PLEKHA2: variants seen among roughly 807,000 people sequenced by gnomAD.
PLEKHA2 encodes pleckstrin homology domain-containing family A member 2.
A neutral mutation model predicts 53.2 loss-of-function variants in PLEKHA2; 28 were observed. That is an observed-to-expected ratio of 0.53 (90% CI 0.39 to 0.72). The LOEUF is 0.72. Among genes scored for constraint, PLEKHA2 ranks in the 30% least tolerant of loss-of-function variants. PLEKHA2 has a pLI of 0.00. For missense variants in PLEKHA2, 426 were observed against 537.9 expected, an observed-to-expected ratio of 0.79 and a Z score of 2.06; for synonymous variants, 193 against 196.4, an observed-to-expected ratio of 0.98 and a Z score of 0.14.
Position 38,901,499 on chromosome 8 carries a change from GGGGGCTGGCGGGGCTGGGGGTGCA to G in PLEKHA2, c.-24+59_-24+82del, listed in dbSNP as rs1247910113. Reference sequence around the variant, plus strand: ...AGTGGAGAGGCGCAGAGGGGCGCGCGGGGGCTGGCGGGGCTGGGGGTGCAGGGGGCGCCCCGGCGGAGGCCTGGC... The same window carrying G: ...AGTGGAGAGGCGCAGAGGGGCGCGCGGGGGGCGCCCCGGCGGAGGCCTGGC... On this transcript the variant is annotated intron_variant, in intron 1 of 11. Transcript: ENST00000617275. The G allele has an allele frequency of 2.6e-5, 4 of 151,852 alleles. No individual in the cohort carries two copies. In the East Asian group the frequency reaches 7.8e-4, roughly 30 times the overall value. The allele number at this position is 151,852 out of a possible 1,614,324, so 9.4% of individuals were successfully genotyped here.
At chr8:38,909,073 G>A (rs10094682) in intron 1 of PLEKHA2, among the ~76,000 whole-genome samples, 50,895 of 151,682 alleles carry the variant, frequency 0.34, 8,746 homozygotes, top group Admixed American at 0.48. Context: ...AACCTGGGAG[G>A]CGGAGGTTGC....
chr8:38,937,406 C>T (rs548134345), intron 3 of PLEKHA2, among the ~76,000 whole-genome samples: 10 of 152,118 alleles, frequency 6.6e-5, no homozygotes, highest in Admixed American at 2.0e-4. Context: ...CCAGGAGGGT[C>T]GGAGATGGAG....
At position 38,969,675 on chromosome 8, in the gene PLEKHA2, G is replaced by C; in HGVS notation, c.1170G>C (p.Gly390=). The C allele has an allele frequency of 1.3e-6, 2 of 1,584,626 alleles. No individual in the cohort carries two copies. The highest frequency in any genetic ancestry group is 1.7e-6 in the Non-Finnish European group (2 of 1,165,652). The change falls in exon 12 of 12, where the codon GGG becomes GGC. Residue 390 remains glycine, a synonymous_variant. Transcript: ENST00000617275. ...TPRPGEGSAP[G]VLPSSRIRHR... ...GTCCTGGGGAGGGCAGCGCTCCTGGGGTGCTGCCCAGCTCCCGGATAAGGC... is the reference window on the plus strand; with the variant it reads ...GTCCTGGGGAGGGCAGCGCTCCTGGCGTGCTGCCCAGCTCCCGGATAAGGC...
At chr8:38,957,245 C>A in intron 9 of PLEKHA2, 78 bp from the exon 10 acceptor site, 1 of 1,142,296 alleles carries the variant, frequency 8.8e-7, no homozygotes, top group Non-Finnish European at 1.3e-6. Flanking sequence ...TGGTAGAGGG[C>A]ACTGGGGTCT....
intron 1 of PLEKHA2, among the ~76,000 whole-genome samples, chr8:38,908,620 T>C (rs749621050): frequency 6.6e-6 from 1 of 152,238 alleles, no homozygotes. Context: ...TCATAGCCCG[T>C]AGATAATAAC....
intron 2 of PLEKHA2, among the ~76,000 whole-genome samples, chr8:38,928,272 T>G (rs1588246852): frequency 7.9e-6 from 1 of 127,074 alleles, no homozygotes. Flanking sequence ...TGAGATGGAG[T>G]CTCACTCACT....
chr8:38,904,371 A>G (rs1280947088), intron 1 of PLEKHA2, among the ~76,000 whole-genome samples: 1 of 152,198 alleles, frequency 6.6e-6, no homozygotes, highest in Non-Finnish European at 1.5e-5. Context: ...CCTTTTGCCC[A>G]CAGTGCCTGG....
At position 38,971,441 on chromosome 8, in the gene PLEKHA2, T is replaced by G. The variant is rs988065182; in HGVS notation, c.*1658T>G. 1.3e-5 allele frequency: 2 copies of G among 152,432 alleles called. No individual in the cohort carries two copies. Among genetic ancestry groups the G allele is most frequent in the African/African-American group, 4.8e-5 (2 of 41,440 alleles). The allele number at this position is 152,432 out of a possible 1,614,324, so 9.4% of individuals were successfully genotyped here. Reference sequence around the variant, plus strand: ...ATGATTTCAAGAAGCCATTCCAAATTCTTATAGCTCCTTAGCTCTGGTTTT... The same window carrying G: ...ATGATTTCAAGAAGCCATTCCAAATGCTTATAGCTCCTTAGCTCTGGTTTT... On this transcript the variant is annotated 3_prime_UTR_variant, in exon 12 of 12. Transcript: ENST00000617275.
At position 38,946,162 on chromosome 8, in the gene PLEKHA2, A is replaced by C. The variant is rs1484484945; in HGVS notation, c.286A>C (p.Asn96His). The change falls in exon 5 of 12, where the codon AAT (asparagine) becomes CAT (histidine). Residue 96 changes from asparagine to histidine, a missense_variant. Coordinates refer to ENST00000617275, the MANE Select transcript of PLEKHA2 (RefSeq NM_021623.2). ...GTCTCAGAGATATTTCCTTCAAGCC[A>C]ATGATCAGAAAGATATGAAGGACTG... is the stretch of plus-strand genomic sequence containing the variant. The part of the protein sequence containing the change: ...ALSQRYFLQA[N>H]DQKDMKDWVE... 1 of 1,608,852 alleles carries C rather than the reference A, an allele frequency of 6.2e-7. No homozygotes were observed. Among genetic ancestry groups the C allele is most frequent in the African/African-American group, 1.3e-5 (1 of 74,918 alleles).
chr8:38,950,778 C>T, intron 5 of PLEKHA2, 72 bp from the exon 6 acceptor site: 3 of 1,543,404 alleles, frequency 1.9e-6, no homozygotes, highest in African/African-American at 1.4e-5. Flanking sequence ...ACGGCAGCCC[C>T]ATTCTGTTTT....
intron 4 of PLEKHA2, among the ~76,000 whole-genome samples, chr8:38,945,134 A>G (rs1293305266): frequency 6.6e-6 from 1 of 152,222 alleles, no homozygotes; most frequent in African/African-American, 2.4e-5. Flanking sequence ...ATCCATCATC[A>G]AATAGTTACT....
Position 38,912,365 on chromosome 8 carries a change from A to G in PLEKHA2, c.-23-5542A>G, listed in dbSNP as rs528067131. Among the ~76,000 whole-genome samples, 21 of 152,372 alleles carry G rather than the reference A, an allele frequency of 1.4e-4. No individual in the cohort carries two copies. In the South Asian group the frequency reaches 2.5e-3, roughly 18 times the overall value. On this transcript the variant is annotated intron_variant, in intron 1 of 11. Coordinates refer to ENST00000617275, the MANE Select transcript of PLEKHA2 (RefSeq NM_021623.2). ...TAACTGGCAGAGTGTTGTGAGAGTT[A>G]GAAAAGACATTTTGAAGCTTTGCCT...
Position 38,950,860 on chromosome 8 carries a change from G to A in PLEKHA2, c.356G>A (p.Gly119Asp). 2.5e-6 allele frequency: 4 copies of A among 1,613,590 alleles called. No homozygotes were observed. The highest frequency in any genetic ancestry group is 2.2e-5 in the East Asian group (1 of 44,856). Residue 119 changes from glycine to aspartate, a missense_variant, in exon 6 of 12, where the codon GGT becomes GAT. By Grantham distance (94) the Gly-to-Asp change is moderately conservative. Coordinates refer to ENST00000617275, the MANE Select transcript of PLEKHA2 (RefSeq NM_021623.2). ...TGCCGCTCACCCCAGGTTCCCAAAG[G>A]TGGGGGCCTACCCATGACCACTGAA... ...NQASKITVPK[G>D]GGLPMTTEVL...
intron 3 of PLEKHA2, among the ~76,000 whole-genome samples, chr8:38,938,319 C>T (rs1452743369): frequency 6.6e-6 from 1 of 152,202 alleles, no homozygotes; most frequent in South Asian, 2.1e-4. Flanking sequence ...CCATTGACCT[C>T]CTGAAGCTGG....
At chr8:38,939,658 C>T (rs1485181033) in intron 3 of PLEKHA2, among the ~76,000 whole-genome samples, 1 of 152,194 alleles carries the variant, frequency 6.6e-6, no homozygotes, top group Non-Finnish European at 1.5e-5. Flanking sequence ...CATTTGTTAT[C>T]CAAACAGAAT....
rs753483339 is a variant in PLEKHA2 at position 38,952,306 on chromosome 8, G to A, written c.627G>A (p.Gly209=). The change falls in exon 7 of 12, where the codon GGG becomes GGA. Residue 209 remains glycine, a synonymous_variant. Coordinates refer to ENST00000617275, the MANE Select transcript of PLEKHA2 (RefSeq NM_021623.2). ...AGAGTGGTTACTGCGTGAAGCAAGG[G>A]AATGTGGTGAGTGTCAGCACAGGGG... is the stretch of plus-strand genomic sequence containing the variant. The part of the protein sequence containing the change: ...LIKSGYCVKQ[G]NVRKSWKRRF... 1.7e-5 allele frequency: 27 copies of A among 1,612,520 alleles called. No individual in the cohort carries two copies. Among genetic ancestry groups the A allele is most frequent in the South Asian group, 3.3e-5 (3 of 90,544 alleles).
chr8:38,936,501 G>A (rs1363663140), intron 3 of PLEKHA2, among the ~76,000 whole-genome samples: 1 of 152,228 alleles, frequency 6.6e-6, no homozygotes, highest in Non-Finnish European at 1.5e-5. Context: ...CCAGTCACCT[G>A]GACAGGATTA....
At chr8:38,968,330 G>A (rs549613845) in intron 10 of PLEKHA2, among the ~76,000 whole-genome samples, 7 of 152,266 alleles carry the variant, frequency 4.6e-5, no homozygotes, top group Admixed American at 2.0e-4. Context: ...AGCGGATAGG[G>A]TCTTAAACTT....
chr8:38,921,941 G>A (rs1233040486), intron 2 of PLEKHA2, among the ~76,000 whole-genome samples: 1 of 152,222 alleles, frequency 6.6e-6, no homozygotes, highest in African/African-American at 2.4e-5. Context: ...GTTCTAAAAT[G>A]GTATTAGTGA....
Sources: gnomAD v4.1 joint callset for allele counts (sites outside exome capture counted in the v4.1 genomes callset) on GRCh38, gnomAD v4.1.1 for gene constraint, MANE v1.5 for transcripts, NCBI Gene and HGNC (gene_info 2026-07-23, HGNC 2026-07-21) for gene names.